The following PPT1 variants were observed in gnomAD, a reference collection of about 807,000 sequenced individuals.
PPT1 encodes the protein ceroid-palmitoyl-palmitoyl-protein thioesterase 1.
A neutral mutation model predicts 44.0 loss-of-function variants in PPT1; 24 were observed. That is an observed-to-expected ratio of 0.54 (90% CI 0.39 to 0.77). PPT1 has a LOEUF of 0.77. PPT1 is among the 30% of genes least tolerant of loss of function. The pLI is 0.00. For missense variants in PPT1, 341 were observed against 378.8 expected (o/e 0.90, Z 0.83); for synonymous variants, 148 against 140.2 (o/e 1.06, Z -0.39).
intron 1 of PPT1, chr1:40,094,114 C>G: frequency 1.7e-6 from 1 of 593,962 alleles, no homozygotes; most frequent in Non-Finnish European, 3.1e-6. Flanking sequence ...CTTCCCCTAT[C>G]ACAGGGGATA....
chr1:40,095,149 C>A (rs1649781686), intron 1 of PPT1, among the ~76,000 whole-genome samples: 1 of 152,206 alleles, frequency 6.6e-6, no homozygotes, highest in South Asian at 2.1e-4. Flanking sequence ...TACAGTTGAT[C>A]ATGACCTATC....
intron 1 of PPT1, among the ~76,000 whole-genome samples, chr1:40,096,108 C>T (rs1649826700): frequency 6.6e-6 from 1 of 152,048 alleles, no homozygotes; most frequent in South Asian, 2.1e-4. Flanking sequence ...AGCCAAATGG[C>T]AACTGTCCTC....
At chr1:40,088,992 G>T (rs1016922386) in intron 5 of PPT1, among the ~76,000 whole-genome samples, 1 of 151,952 alleles carries the variant, frequency 6.6e-6, no homozygotes, top group Admixed American at 6.6e-5. Flanking sequence ...AGTACAAAAA[G>T]ATCTCATTTG....
chr1:40,081,597 T>C (rs1422971671), intron 5 of PPT1, among the ~76,000 whole-genome samples: 3 of 152,066 alleles, frequency 2.0e-5, no homozygotes, highest in African/African-American at 4.8e-5. Context: ...GGAGTTTCCC[T>C]GCCCAAGCTC....
chr1:40,080,311 G>C (rs933695116), intron 6 of PPT1, 86 bp downstream of exon 6: 15 of 1,346,650 alleles, frequency 1.1e-5, no homozygotes, highest in African/African-American at 1.4e-5. Context: ...AGGACAGTTT[G>C]GGTAAACAGT....
chr1:40,078,027 G>T (rs1039302566), intron 7 of PPT1, among the ~76,000 whole-genome samples: 7 of 152,146 alleles, frequency 4.6e-5, no homozygotes, highest in South Asian at 2.1e-4. Flanking sequence ...CTTCCCCAGA[G>T]AATGTAATTA....
intron 4 of PPT1, among the ~76,000 whole-genome samples, chr1:40,090,452 CTATG>C (rs533355736): frequency 1.4e-5 from 2 of 145,280 alleles, no homozygotes; most frequent in South Asian, 4.4e-4. Flanking sequence ...ATATATATGT[CTATG>C]TATGTATGTG....
At chr1:40,094,836 T>C (rs1192772069) in intron 1 of PPT1, among the ~76,000 whole-genome samples, 1 of 152,196 alleles carries the variant, frequency 6.6e-6, no homozygotes. Context: ...GCTGTAATTG[T>C]AGGTTACTTA....
At chr1:40,096,912 C>T (rs1649886585) in intron 1 of PPT1, 8 of 906,826 alleles carry the variant, frequency 8.8e-6, no homozygotes, top group East Asian at 2.6e-5. Flanking sequence ...TCTCTCTTTC[C>T]TTCCCCTTCT....
intron 5 of PPT1, among the ~76,000 whole-genome samples, chr1:40,084,084 G>A (rs184023670): frequency 1.2e-4 from 19 of 152,136 alleles, no homozygotes; most frequent in African/African-American, 4.3e-4. Context: ...CATGATTCAC[G>A]GGAAGAGGTC....
At chr1:40,089,762 C>T (rs1303932918) in intron 4 of PPT1, among the ~76,000 whole-genome samples, 8 of 152,150 alleles carry the variant, frequency 5.3e-5, no homozygotes, top group East Asian at 3.9e-4. Flanking sequence ...CATGGCTGGA[C>T]GCATTTTCAG....
chr1:40,093,371 A>T (rs1487681068), intron 1 of PPT1, among the ~76,000 whole-genome samples: 4 of 45,206 alleles, frequency 8.8e-5, no homozygotes, highest in African/African-American at 2.0e-4. Flanking sequence ...AAGAAGTAGT[A>T]GGAGGGGGCA....
intron 5 of PPT1, among the ~76,000 whole-genome samples, chr1:40,084,943 T>C (rs560783013): frequency 1.3e-5 from 2 of 152,216 alleles, no homozygotes; most frequent in Admixed American, 1.3e-4. Flanking sequence ...CGGACCGTGG[T>C]CTAGTGGTAG....
chr1:40,072,238 G>C (rs1557702372), downstream of PPT1: 4 of 323,148 alleles, frequency 1.2e-5, no homozygotes, highest in East Asian at 4.4e-5. Flanking sequence ...TTCCTATAGA[G>C]ATGACTTTAA....
In PPT1 at chr1:40,074,021, G is replaced by A. The variant is rs773559506; in HGVS notation, c.*40C>T. The A allele has an allele frequency of 1.2e-6, 2 of 1,613,388 alleles. No homozygotes were observed. Among genetic ancestry groups the A allele is most frequent in the East Asian group, 4.5e-5 (2 of 44,858 alleles). Reference sequence around the variant, plus strand: ...ACTGTCTCCCATGTGGTTTGGAAGAGTTAGGGGCTCCCTGAGCTCTATTGT... The same window carrying A: ...ACTGTCTCCCATGTGGTTTGGAAGAATTAGGGGCTCCCTGAGCTCTATTGT... On this transcript the variant is annotated 3_prime_UTR_variant, in exon 9 of 9. Coordinates refer to ENST00000642050, the MANE Select transcript of PPT1 (RefSeq NM_000310.4).
In PPT1 at chr1:40,096,829, A is replaced by ATGC. The variant is rs5773687; in HGVS notation, c.124+283_124+285dup. 0.54 allele frequency: 254,297 copies of ATGC among 473,878 alleles called. 72,333 individuals are homozygous for ATGC. The highest frequency in any genetic ancestry group is 0.61 in the Non-Finnish European group (156,937 of 259,110). The allele number at this position is 473,878 out of a possible 1,614,324, so 29.4% of individuals were successfully genotyped here. A position where few individuals can be genotyped will look rare whatever the true frequency, so the allele number is the denominator to read the frequency against. On this transcript the variant is annotated intron_variant, in intron 1 of 8. Coordinates refer to ENST00000642050, the MANE Select transcript of PPT1 (RefSeq NM_000310.4). ...CTCACCTAGCCTGACCAAGTGAGAG[A>ATGC]TGCTGCATCCTGACGCCACTACTGT...
chr1:40,080,110 G>A (rs1050864634), intron 6 of PPT1, among the ~76,000 whole-genome samples: 5 of 152,124 alleles, frequency 3.3e-5, no homozygotes, highest in Non-Finnish European at 5.9e-5. Context: ...CCCTCATTAA[G>A]ACAGCAGCTG....
chr1:40,083,927 AG>A (rs757863971), intron 5 of PPT1, among the ~76,000 whole-genome samples: 3 of 152,256 alleles, frequency 2.0e-5, no homozygotes, highest in South Asian at 2.1e-4. Context: ...TCACACCTGT[AG>A]TCCCAGCTGC....
At chr1:40,077,600 T>C (rs567154880) in intron 7 of PPT1, among the ~76,000 whole-genome samples, 204 of 152,352 alleles carry the variant, frequency 1.3e-3, no homozygotes, top group African/African-American at 4.8e-3. Flanking sequence ...GGTAGCAGGA[T>C]GGACTGGGCC....
Sources: allele counts gnomAD v4.1 joint callset (sites outside exome capture counted in the v4.1 genomes callset), GRCh38; gene constraint gnomAD v4.1.1; transcripts MANE v1.5; gene names NCBI Gene and HGNC (gene_info 2026-07-23, HGNC 2026-07-21).